The following GLRB variants were observed in gnomAD, a reference collection of about 807,000 sequenced individuals.
GLRB encodes glycine receptor beta.
Under a neutral mutation model 54.2 loss-of-function variants are expected in GLRB, and 33 were observed. The observed-to-expected ratio is 0.61, with a 90% confidence interval of 0.46 to 0.81. The LOEUF (loss-of-function observed/expected upper bound fraction) is 0.81. Ranked by LOEUF, GLRB falls within the 40% of genes least tolerant of loss-of-function variation. GLRB has a pLI of 0.00. For missense variants in GLRB, 572 were observed against 584.6 expected (o/e 0.98, Z 0.22); for synonymous variants, 209 against 208.2 (o/e 1.00, Z -0.03).
rs148711892 is a variant in GLRB, at chr4:157,165,962, T to A, written c.1198-4470T>A. On this transcript the variant is annotated intron_variant, in intron 9 of 9. Coordinates refer to ENST00000264428, the MANE Select transcript of GLRB (RefSeq NM_000824.5). ...AATTATTCCCTCTGAACATATTTTA[T>A]TGTCTGTAGAGGATGCCATTATTGA... Among the ~76,000 whole-genome samples, 209 of 152,174 alleles carry A rather than the reference T, an allele frequency of 1.4e-3. 1 individual carries two copies. The highest frequency in any genetic ancestry group is 4.7e-3 in the African/African-American group (194 of 41,582).
At chr4:157,080,267 C>T (rs1330455826) in intron 2 of GLRB, among the ~76,000 whole-genome samples, 2 of 152,116 alleles carry the variant, frequency 1.3e-5, no homozygotes, top group Non-Finnish European at 2.9e-5. Flanking sequence ...GTTAAGCCCA[C>T]ATCTCAATAT....
chr4:157,081,945 G>A (rs921506082), intron 2 of GLRB, among the ~76,000 whole-genome samples: 2 of 152,014 alleles, frequency 1.3e-5, no homozygotes, highest in Non-Finnish European at 2.9e-5. Flanking sequence ...TCCCCATCCC[G>A]ACCCCTGCCT....
chr4:157,133,758 G>C (rs998463618), intron 4 of GLRB, among the ~76,000 whole-genome samples: 3 of 151,932 alleles, frequency 2.0e-5, no homozygotes, highest in Non-Finnish European at 4.4e-5. Context: ...ATGAAGGAAA[G>C]CTGCTTCTGC....
At chr4:157,112,229 T>G (rs11944760) in intron 2 of GLRB, among the ~76,000 whole-genome samples, 4,982 of 152,026 alleles carry the variant, frequency 0.033, 135 homozygotes, top group African/African-American at 0.076. Flanking sequence ...ATCAGTAATT[T>G]CTAGAATTCC....
chr4:157,080,282 G>A (rs1323689723), intron 2 of GLRB, among the ~76,000 whole-genome samples: 1 of 152,090 alleles, frequency 6.6e-6, no homozygotes, highest in Non-Finnish European at 1.5e-5. Context: ...CAATATTTTA[G>A]ATATGTTGAG....
chr4:157,162,460 T>C lies in GLRB; in HGVS notation c.1198-7972T>C, dbSNP rs189149025. Among the ~76,000 whole-genome samples, 4 of 152,340 alleles carry C rather than the reference T, an allele frequency of 2.6e-5. No individual in the cohort carries two copies. The East Asian group carries it at 5.8e-4, about 22-fold the overall frequency. On this transcript the variant is annotated intron_variant, in intron 9 of 9. Coordinates refer to ENST00000264428, the MANE Select transcript of GLRB (RefSeq NM_000824.5). ...GCTTTTCTACTCTGGTTTCTCCCTA[T>C]CTTTGTGGTTTTATCTACCTTTGTT...
intron 2 of GLRB, among the ~76,000 whole-genome samples, chr4:157,100,508 A>T (rs1734979442): frequency 6.6e-6 from 1 of 152,136 alleles, no homozygotes; most frequent in South Asian, 2.1e-4. Flanking sequence ...AGTAGGGTAT[A>T]TCCTGTTCTA....
In GLRB at chr4:157,097,989, C is replaced by G. The variant is rs1225004236; in HGVS notation, c.122+19843C>G. ...TGAGCCGAGATCCTGCCACTGCTTT[C>G]CAGCCTGGGGGACAAGAGTGAGACT... On this transcript the variant is annotated intron_variant, in intron 2 of 9. Transcript: ENST00000264428. Among the ~76,000 whole-genome samples the G allele has an allele frequency of 2.6e-5, 4 of 152,270 alleles. No homozygotes were observed. In the East Asian group the frequency reaches 7.7e-4, roughly 29 times the overall value.
intron 8 of GLRB, among the ~76,000 whole-genome samples, chr4:157,145,100 A>G (rs1218222959): frequency 2.6e-5 from 4 of 152,194 alleles, no homozygotes; most frequent in Admixed American, 6.5e-5. Flanking sequence ...ATTCATTAGA[A>G]GTTTCTTATG....
chr4:157,115,495 A>G (rs1476621183), intron 2 of GLRB, among the ~76,000 whole-genome samples: 5 of 151,884 alleles, frequency 3.3e-5, no homozygotes, highest in African/African-American at 1.2e-4. Context: ...TCCACCAACA[A>G]TAATACCTTA....
chr4:157,129,982 T>C (rs899859707), intron 4 of GLRB, among the ~76,000 whole-genome samples: 8 of 151,596 alleles, frequency 5.3e-5, no homozygotes, highest in African/African-American at 1.9e-4. Flanking sequence ...TCTACAAGCA[T>C]TAAAAAGGAA....
At chr4:157,098,797 G>A (rs765373769) in intron 2 of GLRB, among the ~76,000 whole-genome samples, 5 of 151,870 alleles carry the variant, frequency 3.3e-5, no homozygotes, top group Admixed American at 2.0e-4. Context: ...TAATAGAGAC[G>A]GGGTTTCACC....
chr4:157,082,796 G>A (rs1167140792), intron 2 of GLRB, among the ~76,000 whole-genome samples: 2 of 151,994 alleles, frequency 1.3e-5, no homozygotes, highest in Admixed American at 6.6e-5. Flanking sequence ...ATTAGGATCC[G>A]ATCTGATCTT....
At chr4:157,088,009 A>G (rs1160756830) in intron 2 of GLRB, among the ~76,000 whole-genome samples, 3 of 152,122 alleles carry the variant, frequency 2.0e-5, no homozygotes, top group Non-Finnish European at 4.4e-5. Flanking sequence ...ATTTATGTAC[A>G]TACAAATGGT....
intron 7 of GLRB, among the ~76,000 whole-genome samples, chr4:157,140,630 A>T (rs948786187): frequency 1.3e-5 from 2 of 151,996 alleles, no homozygotes; most frequent in African/African-American, 2.4e-5. Flanking sequence ...CATTGTACAC[A>T]TTAGGCTAAT....
At chr4:157,114,904 G>A (rs1216048423) in intron 2 of GLRB, among the ~76,000 whole-genome samples, 4 of 151,768 alleles carry the variant, frequency 2.6e-5, no homozygotes, top group East Asian at 2.0e-4. Flanking sequence ...GAGAGTGCCC[G>A]TGGAGTTTCT....
chr4:157,118,699 C>A (rs574919573), intron 2 of GLRB, among the ~76,000 whole-genome samples: 1 of 151,634 alleles, frequency 6.6e-6, no homozygotes, highest in African/African-American at 2.4e-5. Context: ...TGTTATATCT[C>A]ACCTACAATG....
intron 1 of GLRB, 53 bp from the exon 2 acceptor site, chr4:157,077,943 T>C: frequency 1.7e-6 from 2 of 1,196,458 alleles, no homozygotes; most frequent in South Asian, 2.6e-5. Context: ...GGGACAGTCA[T>C]ATAGTTATCA....
chr4:157,160,412 T>G (rs991467688), intron 9 of GLRB, among the ~76,000 whole-genome samples: 1 of 152,158 alleles, frequency 6.6e-6, no homozygotes, highest in South Asian at 2.1e-4. Flanking sequence ...CTAGTTCTTT[T>G]AACTGTGATG....
Sources: gnomAD v4.1 joint callset for allele counts (sites outside exome capture counted in the v4.1 genomes callset) on GRCh38, gnomAD v4.1.1 for gene constraint, MANE v1.5 for transcripts, NCBI Gene and HGNC (gene_info 2026-07-23, HGNC 2026-07-21) for gene names.